Variants in CCDC15 observed in about 807,000 individuals in gnomAD.
CCDC15 encodes coiled-coil domain containing 15, also known as coiled-coil domain-containing protein 15.
A neutral mutation model predicts 114.5 loss-of-function variants in CCDC15; 105 were observed. The ratio of observed to expected loss-of-function variants is 0.92; its 90% CI spans 0.78 to 1.08. The LOEUF is 1.08. Ranked by LOEUF, CCDC15 falls within the 50% of genes least tolerant of loss-of-function variation. The probability of loss-of-function intolerance (pLI) is 0.00; values close to 1 mark genes in which losing one functional copy is unlikely to be tolerated. For missense variants in CCDC15, 1,105 were observed against 1,093.6 expected, an observed-to-expected ratio of 1.01 and a Z score of -0.15; for synonymous variants, 334 against 377.8, an observed-to-expected ratio of 0.88 and a Z score of 1.34.
At position 125,039,329 on chromosome 11, in the gene CCDC15, G is replaced by A. The variant is rs1948799925; in HGVS notation, c.2734+260G>A. 3 of 355,848 alleles carry A rather than the reference G, an allele frequency of 8.4e-6. No homozygotes were observed. The Admixed American group carries it at 1.3e-4, about 15-fold the overall frequency. The allele number at this position is 355,848 out of a possible 1,614,324, so 22.0% of individuals were successfully genotyped here. The stretch of plus-strand genomic sequence containing the variant: ...TACTGTAGGAGGTCTTGAGTTTCAG[G>A]TCCTTTAACTGAAGACTATTAGAAT... On this transcript the variant is annotated intron_variant, in intron 15 of 15. Transcript: ENST00000344762.
chr11:125,016,906 GT>G (rs1948632784), intron 13 of CCDC15, among the ~76,000 whole-genome samples: 1 of 152,024 alleles, frequency 6.6e-6, no homozygotes, highest in African/African-American at 2.4e-5. Context: ...TCCTTCTTGT[GT>G]TTATACTCTT....
At chr11:125,016,858 C>A (rs1047260607) in intron 13 of CCDC15, among the ~76,000 whole-genome samples, 10 of 152,092 alleles carry the variant, frequency 6.6e-5, no homozygotes, top group Non-Finnish European at 1.2e-4. Context: ...CTGCTAAAGG[C>A]TTTTTGTTTT....
At chr11:124,993,032 A>G (rs569596208) in intron 10 of CCDC15, 137 bp from the exon 11 acceptor site, 2 of 547,930 alleles carry the variant, frequency 3.7e-6, no homozygotes, top group Admixed American at 3.4e-5. Context: ...TATGTTGAAC[A>G]CACACACAGC....
intron 13 of CCDC15, among the ~76,000 whole-genome samples, chr11:125,014,871 C>T (rs1013335183): frequency 2.6e-5 from 4 of 152,086 alleles, no homozygotes; most frequent in African/African-American, 4.8e-5. Flanking sequence ...AACACTGAAT[C>T]GTGACAGAAT....
At chr11:124,975,676 G>A (rs1159182621) in intron 5 of CCDC15, among the ~76,000 whole-genome samples, 1 of 151,962 alleles carries the variant, frequency 6.6e-6, no homozygotes, top group Non-Finnish European at 1.5e-5. Flanking sequence ...GCTATGAAGA[G>A]AAATACAGCA....
At chr11:125,014,633 C>T (rs189806741) in intron 13 of CCDC15, among the ~76,000 whole-genome samples, 5 of 152,216 alleles carry the variant, frequency 3.3e-5, no homozygotes. Flanking sequence ...TGAGGTACCA[C>T]TTCAGACTCA....
At chr11:124,999,240 C>T (rs531402922) in intron 11 of CCDC15, among the ~76,000 whole-genome samples, 2 of 152,192 alleles carry the variant, frequency 1.3e-5, no homozygotes, top group Admixed American at 6.5e-5. Context: ...TGTGTCTGGG[C>T]ATAATGTTTT....
chr11:124,975,578 C>A (rs986850491), intron 5 of CCDC15, among the ~76,000 whole-genome samples: 22 of 152,040 alleles, frequency 1.4e-4, no homozygotes, highest in African/African-American at 3.6e-4. Context: ...AAAAGACAGA[C>A]AAAGATCCCT....
intron 5 of CCDC15, 109 bp from the exon 6 acceptor site, chr11:124,977,369 A>G: frequency 5.6e-6 from 6 of 1,074,304 alleles, no homozygotes; most frequent in Non-Finnish European, 6.4e-6. Flanking sequence ...GTATTAGACT[A>G]CCAAAACCTA....
intron 13 of CCDC15, among the ~76,000 whole-genome samples, chr11:125,017,493 C>G (rs1948635973): frequency 6.6e-6 from 1 of 152,146 alleles, no homozygotes; most frequent in African/African-American, 2.4e-5. Flanking sequence ...TGTGGTGATG[C>G]TTGTGTAAAC....
At chr11:124,961,561 C>T (rs1047555422) in intron 4 of CCDC15, among the ~76,000 whole-genome samples, 1 of 152,072 alleles carries the variant, frequency 6.6e-6, no homozygotes, top group South Asian at 2.1e-4. Flanking sequence ...ACTCTGTTGC[C>T]CATGCTGTAG....
At chr11:125,029,027 T>G (rs1434762452) in intron 13 of CCDC15, among the ~76,000 whole-genome samples, 1 of 152,088 alleles carries the variant, frequency 6.6e-6, no homozygotes, top group East Asian at 1.9e-4. Context: ...AAGTCTGATG[T>G]TTGAGGGCAG....
chr11:124,958,257 C>G (rs1947583741), intron 2 of CCDC15, among the ~76,000 whole-genome samples: 1 of 152,140 alleles, frequency 6.6e-6, no homozygotes, highest in African/African-American at 2.4e-5. Flanking sequence ...TTGTTCAGAA[C>G]AAGCTTGTCC....
In CCDC15 at chr11:125,038,495, C is replaced by G. The variant is rs1222705894; in HGVS notation, c.2476C>G (p.His826Asp). 1.9e-6 allele frequency: 3 copies of G among 1,583,332 alleles called. No individual in the cohort carries two copies. The Admixed American group carries it at 5.4e-5, about 28-fold the overall frequency. The change falls in exon 14 of 16, where the codon CAT becomes GAT. Residue 826 changes from histidine to aspartate, a missense_variant. Transcript: ENST00000344762. ...GCAGAGGATCCTAAGAATGAACTTT[C>G]ATGAAGATCCATATTCAGGAGAGAA... is the stretch of plus-strand genomic sequence containing the variant. The part of the protein sequence containing the change: ...AEQRILRMNF[H>D]EDPYSGEKLS...
chr11:125,040,658 G>T lies in CCDC15; in HGVS notation c.2803G>T (p.Val935Phe). The T allele has an allele frequency of 6.2e-7, 1 of 1,612,116 alleles. No individual in the cohort carries two copies. Among genetic ancestry groups the T allele is most frequent in the Admixed American group, 1.7e-5 (1 of 59,856 alleles). The change falls in exon 16 of 16, where the codon GTC becomes TTC. Residue 935 changes from valine to phenylalanine, a missense_variant. By Grantham distance (50) the Val-to-Phe change is conservative (BLOSUM62 -1). Coordinates refer to ENST00000344762, the MANE Select transcript of CCDC15 (RefSeq NM_025004.3). The stretch of plus-strand genomic sequence containing the variant: ...CCCTGGGGGTAATTCAACTCTTCGA[G>T]TCGCAATTCATAATTTTGCTTCTGC... ...DVPGGNSTLR[V>F]AIHNFASAHR... is the part of the protein sequence containing the mutation.
intron 10 of CCDC15, 105 bp downstream of exon 10, chr11:124,992,792 A>G: frequency 1.6e-6 from 1 of 642,290 alleles, no homozygotes; most frequent in Non-Finnish European, 2.7e-6. Flanking sequence ...TTGTTTGTGG[A>G]ATACATAGAA....
At chr11:124,976,335 T>C (rs373367403) in intron 5 of CCDC15, among the ~76,000 whole-genome samples, 1 of 152,060 alleles carries the variant, frequency 6.6e-6, no homozygotes, top group East Asian at 1.9e-4. Context: ...TAAACTGTAA[T>C]GTTTTTCTCT....
chr11:124,965,320 C>T (rs1393036795), intron 4 of CCDC15, among the ~76,000 whole-genome samples: 1 of 152,086 alleles, frequency 6.6e-6, no homozygotes, highest in Admixed American at 6.5e-5. Context: ...AATTTCAGAG[C>T]CTGTTATTGG....
At chr11:124,966,548 G>A (rs1210708253) in intron 4 of CCDC15, among the ~76,000 whole-genome samples, 2 of 151,990 alleles carry the variant, frequency 1.3e-5, no homozygotes, top group Non-Finnish European at 2.9e-5. Flanking sequence ...CTGCACGTGT[G>A]ATGGGTCTCC....
Sources: allele counts gnomAD v4.1 joint callset (sites outside exome capture counted in the v4.1 genomes callset), GRCh38; gene constraint gnomAD v4.1.1; transcripts MANE v1.5; gene names NCBI Gene and HGNC (gene_info 2026-07-23, HGNC 2026-07-21).